The following RNF17 variants were observed in gnomAD, a reference collection of about 807,000 sequenced individuals.
RNF17 encodes ring finger protein 17, also known as spermatogenesis associated 23.
RNF17 carries 31 observed loss-of-function variants against 200.5 expected under a neutral mutation model. The ratio of observed to expected loss-of-function variants is 0.15; its 90% CI spans 0.12 to 0.21. RNF17 has a LOEUF of 0.21. RNF17 is among the 10% of genes least tolerant of loss of function. The pLI is 1.00. For missense variants in RNF17, 1,628 were observed against 1,905.1 expected (o/e 0.85, Z 2.71); for synonymous variants, 606 against 637.8 (o/e 0.95, Z 0.75).
At chr13:24,865,373 A>G (rs1291849783) in intron 29 of RNF17, among the ~76,000 whole-genome samples, 1 of 152,202 alleles carries the variant, frequency 6.6e-6, no homozygotes, top group Non-Finnish European at 1.5e-5. Flanking sequence ...AAAGCCGTGT[A>G]TTACAAAATT....
intron 15 of RNF17, among the ~76,000 whole-genome samples, chr13:24,815,210 A>G (rs1398778894): frequency 2.6e-5 from 4 of 152,166 alleles, no homozygotes; most frequent in African/African-American, 9.7e-5. Flanking sequence ...ATCTTATTTA[A>G]TATCTTTCAA....
downstream of RNF17, chr13:24,883,186 C>G: frequency 1.2e-6 from 2 of 1,613,832 alleles, no homozygotes; most frequent in East Asian, 2.2e-5. Context: ...GTCACAGCTC[C>G]GTGTCCATTA....
In RNF17 at chr13:24,852,384, C is replaced by T. The variant is rs150027387; in HGVS notation, c.3320+813C>T. ...CGATCTCCTGACCTCGTGATCTGCC[C>T]GCCTTGGCCTCCCAAAGTGCTGGGA... is the stretch of plus-strand genomic sequence containing the variant. On this transcript the variant is annotated intron_variant, in intron 24 of 35. Transcript: ENST00000255324. Among the ~76,000 whole-genome samples the T allele has an allele frequency of 9.5e-3, 1,449 of 152,150 alleles. 26 individuals carry two copies. Among genetic ancestry groups the T allele is most frequent in the African/African-American group, 0.033 (1,377 of 41,508 alleles).
At chr13:24,799,890 G>A (rs923006797) in intron 12 of RNF17, among the ~76,000 whole-genome samples, 6 of 152,074 alleles carry the variant, frequency 3.9e-5, no homozygotes, top group African/African-American at 1.4e-4. Context: ...ACAGATGATT[G>A]AGTTAAATTT....
chr13:24,789,801 C>T (rs985281061), intron 9 of RNF17, 29 bp downstream of exon 9: 6 of 1,195,740 alleles, frequency 5.0e-6, no homozygotes, highest in Admixed American at 1.7e-5. Flanking sequence ...GGTAACATGC[C>T]ATTAGTGTCT....
intron 6 of RNF17, 96 bp downstream of exon 6, chr13:24,782,040 TAAACAAGTTTGTAATGGGTAACTTTC>T: frequency 1.2e-6 from 1 of 812,736 alleles, no homozygotes; most frequent in Non-Finnish European, 2.0e-6. Context: ...GGGTAACTTT[TAAACAAGTTTGTAATGGGTAACTTTC>T]AAACAAGTTT....
At chr13:24,780,148 C>A (rs557479855) in intron 5 of RNF17, among the ~76,000 whole-genome samples, 36 of 152,216 alleles carry the variant, frequency 2.4e-4, no homozygotes, top group African/African-American at 8.4e-4. Context: ...CACCTAGCAA[C>A]AAAATTTACA....
rs60060747 is a variant in RNF17, at chr13:24,838,065, C to G, written c.2483-3976C>G. 1.6e-3 allele frequency among the ~76,000 whole-genome samples: 238 copies of G among 152,200 alleles called. 3 individuals are homozygous for G. In the East Asian group the frequency reaches 0.021, roughly 13 times the overall value. The stretch of plus-strand genomic sequence containing the variant: ...TCATTCAAGGCTGCTATGAACACTT[C>G]TATGCACATAAACTAGAAAACCTAG... On this transcript the variant is annotated intron_variant, in intron 18 of 35. Coordinates refer to ENST00000255324, the MANE Select transcript of RNF17 (RefSeq NM_031277.3).
intron 15 of RNF17, among the ~76,000 whole-genome samples, chr13:24,818,825 T>C (rs1887701562): frequency 6.6e-6 from 1 of 152,114 alleles, no homozygotes; most frequent in African/African-American, 2.4e-5. Context: ...TCATGTTTTT[T>C]TTTAATTAAT....
upstream of RNF17, among the ~76,000 whole-genome samples, chr13:24,760,849 G>A (rs942789202): frequency 6.6e-6 from 1 of 152,066 alleles, no homozygotes; most frequent in Non-Finnish European, 1.5e-5. Flanking sequence ...CATACAAATG[G>A]CTAATAGGTA....
chr13:24,829,943 C>G (rs1032068280), intron 16 of RNF17, among the ~76,000 whole-genome samples: 2 of 152,112 alleles, frequency 1.3e-5, no homozygotes, highest in Admixed American at 6.6e-5. Context: ...GTTTTATCAC[C>G]TATGTTGACT....
chr13:24,880,840 TC>T (rs1409500809), downstream of RNF17, among the ~76,000 whole-genome samples: 3 of 152,228 alleles, frequency 2.0e-5, no homozygotes, highest in Non-Finnish European at 4.4e-5. Flanking sequence ...TTGTCTGAGT[TC>T]CTTGCCAGCA....
chr13:24,768,895 C>A (rs1880206491), intron 2 of RNF17, among the ~76,000 whole-genome samples: 1 of 151,742 alleles, frequency 6.6e-6, no homozygotes, highest in African/African-American at 2.4e-5. Flanking sequence ...TTAAAAAAAA[C>A]CCAAACCATA....
At chr13:24,850,846 T>A (rs1891806267) in intron 23 of RNF17, among the ~76,000 whole-genome samples, 1 of 152,246 alleles carries the variant, frequency 6.6e-6, no homozygotes, top group African/African-American at 2.4e-5. Flanking sequence ...AGAAACTTGT[T>A]AACTGATGTT....
chr13:24,825,461 TA>T, intron 15 of RNF17, among the ~76,000 whole-genome samples, 157 bp from the exon 16 acceptor site: 1 of 152,318 alleles, frequency 6.6e-6, no homozygotes, highest in Non-Finnish European at 1.5e-5. Context: ...GGTTCTGCAA[TA>T]AAATTTTGTA....
chr13:24,861,138 C>G, intron 26 of RNF17, 130 bp from the exon 27 acceptor site: 1 of 675,568 alleles, frequency 1.5e-6, no homozygotes, highest in Non-Finnish European at 2.3e-6. Flanking sequence ...CTCTGCCTCC[C>G]AGAGTGCTGG....
chr13:24,849,100 G>A (rs1891566286), intron 22 of RNF17, among the ~76,000 whole-genome samples: 1 of 152,120 alleles, frequency 6.6e-6, no homozygotes, highest in South Asian at 2.1e-4. Context: ...CAAGATGGGA[G>A]GATCCGTTGA....
rs557802541 is a variant in RNF17 at position 24,863,169 on chromosome 13, T to G, written c.3975+376T>G. Among the ~76,000 whole-genome samples the G allele has an allele frequency of 2.0e-5, 3 of 152,332 alleles. No individual in the cohort carries two copies. In the East Asian group the frequency reaches 5.8e-4, roughly 29 times the overall value. ...AATTCTGGGAGTCTATCATGATCTG[T>G]GTCCTCAAAGCCCTTATCTGGTTAG... On this transcript the variant is annotated intron_variant, in intron 28 of 35. Coordinates refer to ENST00000255324, the MANE Select transcript of RNF17 (RefSeq NM_031277.3).
intron 6 of RNF17, among the ~76,000 whole-genome samples, chr13:24,785,020 T>G (rs11616839): frequency 4.6e-5 from 7 of 152,204 alleles, no homozygotes; most frequent in Non-Finnish European, 1.0e-4. Flanking sequence ...TTCTCTTTTC[T>G]TAGTGTGACT....
Sources: gnomAD v4.1 joint callset for allele counts (sites outside exome capture counted in the v4.1 genomes callset) on GRCh38, gnomAD v4.1.1 for gene constraint, MANE v1.5 for transcripts, NCBI Gene and HGNC (gene_info 2026-07-23, HGNC 2026-07-21) for gene names.